The following KCNH5 variants were observed in gnomAD, a reference collection of about 807,000 sequenced individuals.
KCNH5 encodes the protein potassium voltage-gated channel subfamily H member 5.
In KCNH5, 46 loss-of-function variants were observed where a neutral mutation model predicts 96.1. That is an observed-to-expected ratio of 0.48 (90% CI 0.38 to 0.61). KCNH5 has a LOEUF of 0.61. Ranked by LOEUF, KCNH5 falls within the 20% of genes least tolerant of loss-of-function variation. The probability of loss-of-function intolerance (pLI) is 0.00; values close to 1 mark genes in which losing one functional copy is unlikely to be tolerated. For synonymous variants in KCNH5, 439 were observed against 449.8 expected, an observed-to-expected ratio of 0.98 and a Z score of 0.30; for missense variants, 907 against 1,225.8, an observed-to-expected ratio of 0.74 and a Z score of 3.88.
At chr14:62,868,395 T>C (rs1248780406) in intron 7 of KCNH5, among the ~76,000 whole-genome samples, 1 of 152,246 alleles carries the variant, frequency 6.6e-6, no homozygotes, top group Non-Finnish European at 1.5e-5. Context: ...TAACAAGAGA[T>C]GCAAACCTAT....
At chr14:63,027,244 A>G (rs1316286377) in intron 1 of KCNH5, among the ~76,000 whole-genome samples, 3 of 152,052 alleles carry the variant, frequency 2.0e-5, no homozygotes, top group Non-Finnish European at 4.4e-5. Context: ...TCAGTTAGAC[A>G]GAAGGAATAA....
intron 7 of KCNH5, among the ~76,000 whole-genome samples, chr14:62,897,917 T>C (rs1196485753): frequency 2.6e-5 from 4 of 152,066 alleles, no homozygotes; most frequent in African/African-American, 9.7e-5. Flanking sequence ...GGCAAACCAA[T>C]ACTAACCACA....
At chr14:62,895,912 T>C (rs975950922) in intron 7 of KCNH5, among the ~76,000 whole-genome samples, 20 of 152,184 alleles carry the variant, frequency 1.3e-4, no homozygotes, top group African/African-American at 4.8e-4. Context: ...GAAGCAGATA[T>C]ACCCCTAATT....
intron 8 of KCNH5, among the ~76,000 whole-genome samples, chr14:62,820,895 T>C (rs1262057910): frequency 2.0e-5 from 3 of 152,020 alleles, no homozygotes. Flanking sequence ...CTTTGGGGCA[T>C]ATATGCAGTA....
intron 6 of KCNH5, among the ~76,000 whole-genome samples, chr14:62,965,220 G>A (rs979363658): frequency 1.3e-5 from 2 of 152,092 alleles, no homozygotes; most frequent in African/African-American, 4.8e-5. Flanking sequence ...CAAAACTCAA[G>A]TTGAGATTTG....
At position 62,907,836 on chromosome 14, in the gene KCNH5, C is replaced by T. The variant is rs76296587; in HGVS notation, c.1369+42297G>A. 3.4e-3 allele frequency among the ~76,000 whole-genome samples: 518 copies of T among 152,256 alleles called. 11 individuals are homozygous for T. The East Asian group carries it at 0.047, about 14-fold the overall frequency. ...CATGTGCAACTTGCTCTGGCCCCTG[C>T]CCTGTGTAACAGCATAATAAAGAAC... On this transcript the variant is annotated intron_variant, in intron 7 of 10. Transcript: ENST00000322893.
In KCNH5 at chr14:62,802,597, G is replaced by C. The variant is rs777712735; in HGVS notation, c.1570-16C>G. The C allele has an allele frequency of 1.6e-5, 25 of 1,611,054 alleles. No homozygotes were observed. In the South Asian group the frequency reaches 2.5e-4, roughly 16 times the overall value. ...TGGAGAGGACCTAAAGAAGGTGAGA[G>C]ATGAATAAGTGAAAAGGAAAGAGGA... On this transcript the variant is annotated splice_polypyrimidine_tract_variant and intron_variant, in intron 8 of 10. Transcript: ENST00000322893.
intron 7 of KCNH5, among the ~76,000 whole-genome samples, chr14:62,933,605 C>T (rs1470404159): frequency 2.6e-5 from 4 of 151,698 alleles, no homozygotes; most frequent in Non-Finnish European, 5.9e-5. Flanking sequence ...AAAATTCTCT[C>T]CAATAATCAT....
chr14:62,863,708 A>G (rs929233026), intron 7 of KCNH5, among the ~76,000 whole-genome samples: 1 of 152,192 alleles, frequency 6.6e-6, no homozygotes, highest in Non-Finnish European at 1.5e-5. Context: ...GCTATATAAG[A>G]AAAACAGTAA....
intron 3 of KCNH5, among the ~76,000 whole-genome samples, chr14:63,002,798 G>A (rs1891035360): frequency 6.6e-6 from 1 of 152,098 alleles, no homozygotes; most frequent in Non-Finnish European, 1.5e-5. Flanking sequence ...AACCCCAGGG[G>A]GCCTATGGAA....
chr14:62,972,473 T>TA (rs1173563349), intron 6 of KCNH5, among the ~76,000 whole-genome samples: 1 of 152,244 alleles, frequency 6.6e-6, no homozygotes, highest in Non-Finnish European at 1.5e-5. Flanking sequence ...AACATAGTCT[T>TA]ACCATATGAT....
At chr14:62,916,573 G>T (rs971575942) in intron 7 of KCNH5, among the ~76,000 whole-genome samples, 1 of 152,146 alleles carries the variant, frequency 6.6e-6, no homozygotes, top group Non-Finnish European at 1.5e-5. Flanking sequence ...TGCCATTGAC[G>T]TGCCTTCTCT....
At chr14:62,781,077 C>T (rs150127902) in intron 9 of KCNH5, among the ~76,000 whole-genome samples, 1,858 of 151,924 alleles carry the variant, frequency 0.012, 33 homozygotes, top group African/African-American at 0.042. Flanking sequence ...TTTCTATTTT[C>T]CCCAAGCATC....
intron 7 of KCNH5, among the ~76,000 whole-genome samples, chr14:62,902,354 A>T (rs1888944719): frequency 6.6e-6 from 1 of 151,600 alleles, no homozygotes; most frequent in South Asian, 2.1e-4. Flanking sequence ...TTGAGGTCTT[A>T]CATTGAAATC....
intron 7 of KCNH5, among the ~76,000 whole-genome samples, chr14:62,948,440 T>C (rs1435345894): frequency 2.0e-5 from 3 of 151,778 alleles, no homozygotes; most frequent in Non-Finnish European, 4.4e-5. Context: ...ACACATACAC[T>C]CTCCCAAGAC....
At chr14:62,769,988 C>T (rs1241350235) in intron 10 of KCNH5, among the ~76,000 whole-genome samples, 2 of 152,102 alleles carry the variant, frequency 1.3e-5, no homozygotes, top group Admixed American at 1.3e-4. Flanking sequence ...TCTTTTGTTG[C>T]AAGTGTGGAC....
chr14:62,863,024 A>C (rs1276349035), intron 7 of KCNH5, among the ~76,000 whole-genome samples: 1 of 152,132 alleles, frequency 6.6e-6, no homozygotes, highest in Admixed American at 6.6e-5. Context: ...TATTTTCTTC[A>C]TGAAACCTCT....
intron 10 of KCNH5, among the ~76,000 whole-genome samples, chr14:62,725,473 G>A (rs74967333): frequency 0.032 from 4,880 of 152,286 alleles, 137 homozygotes; most frequent in South Asian, 0.081. Flanking sequence ...TTGTGACCCT[G>A]AAGGAAAGAT....
chr14:62,840,115 A>T (rs1887546003), intron 8 of KCNH5, among the ~76,000 whole-genome samples: 2 of 152,114 alleles, frequency 1.3e-5, no homozygotes, highest in Non-Finnish European at 2.9e-5. Flanking sequence ...AGGACCACAA[A>T]ACCCTCTAAT....
Sources: gnomAD v4.1 joint callset for allele counts (sites outside exome capture counted in the v4.1 genomes callset) on GRCh38, gnomAD v4.1.1 for gene constraint, MANE v1.5 for transcripts, NCBI Gene and HGNC (gene_info 2026-07-23, HGNC 2026-07-21) for gene names.